The following SLC9A7 variants were observed in gnomAD, a reference collection of about 807,000 sequenced individuals.
SLC9A7 encodes the protein solute carrier family 9 member A7, also known as sodium/hydrogen exchanger 7.
SLC9A7 carries 19 observed loss-of-function variants against 52.6 expected under a neutral mutation model. The ratio of observed to expected loss-of-function variants is 0.36; its 90% CI spans 0.25 to 0.53. The LOEUF (loss-of-function observed/expected upper bound fraction) is 0.53, where lower values mean the gene tolerates loss of function less well. Ranked by LOEUF, SLC9A7 falls within the 20% of genes least tolerant of loss-of-function variation. The pLI is 0.91. For missense variants in SLC9A7, 455 were observed against 597.9 expected (o/e 0.76, Z 2.49); for synonymous variants, 226 against 252.1 (o/e 0.90, Z 0.98).
chrX:46,635,342 G>T (rs1943301327), intron 13 of SLC9A7, among the ~76,000 whole-genome samples: 1 of 111,603 alleles, frequency 9.0e-6, no homozygotes, highest in South Asian at 3.7e-4. Flanking sequence ...CAGGCTTTAT[G>T]TTGGCAATAC....
intron 15 of SLC9A7, among the ~76,000 whole-genome samples, chrX:46,617,845 T>C (rs1285718345): frequency 8.9e-6 from 1 of 111,847 alleles, no homozygotes; most frequent in Non-Finnish European, 1.9e-5. Context: ...TTTACATCCT[T>C]TCTGAGACCA....
At chrX:46,632,644 T>C (rs1445778754) in intron 13 of SLC9A7, among the ~76,000 whole-genome samples, 1 of 111,753 alleles carries the variant, frequency 8.9e-6, no homozygotes, top group Non-Finnish European at 1.9e-5. Context: ...AGTACTTCCC[T>C]ATCCACTGAC....
chrX:46,628,257 G>A (rs1388560152), intron 14 of SLC9A7, among the ~76,000 whole-genome samples: 3 of 112,686 alleles, frequency 2.7e-5, no homozygotes, highest in African/African-American at 9.7e-5. Context: ...GTCTGGTCTG[G>A]CATGAAAAGT....
chrX:46,700,498 A>G (rs759703931), intron 1 of SLC9A7, among the ~76,000 whole-genome samples: 12 of 112,159 alleles, frequency 1.1e-4, no homozygotes, highest in Admixed American at 1.0e-3. Flanking sequence ...TAGATTAATC[A>G]GTTTTTCCTC....
chrX:46,745,022 G>A (rs1363509812), intron 1 of SLC9A7, among the ~76,000 whole-genome samples: 2 of 109,522 alleles, frequency 1.8e-5, no homozygotes, highest in Non-Finnish European at 3.8e-5. Context: ...CAGAAACATT[G>A]AAAAACAAGC....
At chrX:46,687,368 A>G (rs1944312069) in intron 1 of SLC9A7, among the ~76,000 whole-genome samples, 1 of 111,847 alleles carries the variant, frequency 8.9e-6, no homozygotes, top group Admixed American at 9.5e-5. Context: ...AGGGGTTGTT[A>G]TGAGTTTTAA....
At chrX:46,609,544 C>A (rs1461036965) in intron 16 of SLC9A7, among the ~76,000 whole-genome samples, 1 of 89,759 alleles carries the variant, frequency 1.1e-5, no homozygotes, top group Non-Finnish European at 2.0e-5. Flanking sequence ...ATTAAAAATA[C>A]AAAAATTAGC....
chrX:46,684,716 A>G (rs757427413), intron 1 of SLC9A7: 4 of 112,696 alleles, frequency 3.5e-5, no homozygotes, highest in African/African-American at 1.3e-4. Flanking sequence ...AGGATGACAA[A>G]CCAGATGACA....
intron 4 of SLC9A7, among the ~76,000 whole-genome samples, chrX:46,670,625 T>C (rs754303227): frequency 3.6e-5 from 4 of 111,261 alleles, no homozygotes; most frequent in Admixed American, 9.6e-5. Flanking sequence ...AATAATGAGA[T>C]TCTTGATGCC....
intron 14 of SLC9A7, 109 bp downstream of exon 14, chrX:46,631,477 C>A: frequency 1.7e-6 from 1 of 595,949 alleles, no homozygotes; most frequent in Non-Finnish European, 2.8e-6. Flanking sequence ...GCAGTACACG[C>A]TTCATAAGGC....
At chrX:46,657,037 T>C (rs1943710817) in intron 7 of SLC9A7, among the ~76,000 whole-genome samples, 1 of 107,593 alleles carries the variant, frequency 9.3e-6, no homozygotes, top group South Asian at 4.2e-4. Flanking sequence ...GCAGAAACTC[T>C]ACAAGCCAGA....
At chrX:46,757,830 T>A (rs1406117798) in intron 1 of SLC9A7, among the ~76,000 whole-genome samples, 1 of 111,251 alleles carries the variant, frequency 9.0e-6, no homozygotes, top group African/African-American at 3.3e-5. Flanking sequence ...AGATTTGTAC[T>A]GACCACTGTG....
Position 46,758,730 on chromosome X carries a change from G to A in SLC9A7, c.300C>T (p.His100=), listed in dbSNP as rs961607106. The A allele has an allele frequency of 8.4e-7, 1 of 1,194,623 alleles. No individual in the cohort carries two copies. The highest frequency in any genetic ancestry group is 1.9e-5 in the South Asian group (1 of 53,929). The part of the protein sequence containing the change: ...LFKHRRVRFL[H]ETGLAMIYGL... ...CATAGATCATGGCCAGCCCGGTCTC[G>A]TGCAGAAAGCGCACCCGGCGGTGCT... Residue 100 remains histidine, a synonymous_variant, in exon 1 of 17, where the codon CAC becomes CAT. Transcript: ENST00000616978.
intron 1 of SLC9A7, among the ~76,000 whole-genome samples, chrX:46,713,524 C>T (rs1190698780): frequency 9.2e-6 from 1 of 108,164 alleles, no homozygotes; most frequent in Non-Finnish European, 1.9e-5. Flanking sequence ...AAAAAAAAGA[C>T]AAAAGAAAAG....
At chrX:46,638,288 T>C (rs1428993616) in intron 12 of SLC9A7, among the ~76,000 whole-genome samples, 2 of 112,316 alleles carry the variant, frequency 1.8e-5, no homozygotes, top group Non-Finnish European at 3.8e-5. Context: ...TCTACACTTA[T>C]GTAATCATTA....
chrX:46,708,856 C>T (rs1368881470), intron 1 of SLC9A7, among the ~76,000 whole-genome samples: 1 of 111,788 alleles, frequency 8.9e-6, no homozygotes, highest in African/African-American at 3.3e-5. Flanking sequence ...CCAGGTTATA[C>T]ATTCAACAAA....
intron 15 of SLC9A7, among the ~76,000 whole-genome samples, chrX:46,614,576 T>A (rs1394187873): frequency 9.0e-6 from 1 of 111,633 alleles, no homozygotes; most frequent in Non-Finnish European, 1.9e-5. Flanking sequence ...CTTCAAAAAA[T>A]TGCCAAATGT....
chrX:46,740,578 G>A (rs1218926419), intron 1 of SLC9A7, among the ~76,000 whole-genome samples: 1 of 111,181 alleles, frequency 9.0e-6, no homozygotes, highest in Non-Finnish European at 1.9e-5. Context: ...ACCATATATT[G>A]TAATATATAC....
intron 1 of SLC9A7, among the ~76,000 whole-genome samples, chrX:46,754,027 G>A (rs1176441603): frequency 9.2e-6 from 1 of 108,980 alleles, no homozygotes; most frequent in African/African-American, 3.3e-5. Flanking sequence ...AATTTTAAAA[G>A]GGTAGGTGTG....
Sources: allele counts gnomAD v4.1 joint callset (sites outside exome capture counted in the v4.1 genomes callset), GRCh38; gene constraint gnomAD v4.1.1; transcripts MANE v1.5; gene names NCBI Gene and HGNC (gene_info 2026-07-23, HGNC 2026-07-21).